CDR2L: variants seen among roughly 807,000 people sequenced by gnomAD.
The protein encoded by CDR2L is cerebellar degeneration related protein 2 like, also known as cerebellar degeneration-related protein 2-like.
In CDR2L, 19 loss-of-function variants were observed where a neutral mutation model predicts 36.1. The observed-to-expected ratio is 0.53, with a 90% CI of 0.37 to 0.77. The LOEUF (loss-of-function observed/expected upper bound fraction) is 0.77. Ranked by LOEUF, CDR2L falls within the 30% of genes least tolerant of loss-of-function variation. The pLI is 0.00. For synonymous variants in CDR2L, 285 were observed against 280.4 expected (o/e 1.02, Z -0.16); for missense variants, 575 against 627.2 (o/e 0.92, Z 0.89).
chr17:75,002,174 G>A lies in CDR2L; in HGVS notation c.452G>A (p.Arg151His), dbSNP rs763230084. The A allele has an allele frequency of 7.9e-5, 127 of 1,608,876 alleles. No homozygotes were observed. The highest frequency in any genetic ancestry group is 3.3e-4 in the Middle Eastern group (2 of 6,010). The change falls in exon 4 of 5, where the codon CGC becomes CAC. Residue 151 changes from arginine (R) to histidine (H), a missense_variant. Physicochemically the swap from Arg to His is conservative, Grantham distance 29. Transcript: ENST00000337231. The surrounding 1 kb of genome is among the most constrained non-coding windows in gnomAD (Gnocchi z 4.1). ...CGAGTGCTCCGGGAGAAGCGGGAAC[G>A]CAGGCGTACCATCCACACCTTCCCC... ...QLRVLREKRERRRTIHTFPCL... is the reference protein window; with the variant it reads ...QLRVLREKREHRRTIHTFPCL...
chr17:74,991,728 A>AG (rs1555635544), intron 1 of CDR2L, among the ~76,000 whole-genome samples: 1 of 151,678 alleles, frequency 6.6e-6, no homozygotes, highest in African/African-American at 2.4e-5. Flanking sequence ...AAAAAAGAAA[A>AG]AAAGAAAGAA....
intron 1 of CDR2L, among the ~76,000 whole-genome samples, chr17:74,988,402 G>C (rs1276603185): frequency 6.6e-6 from 1 of 152,156 alleles, no homozygotes; most frequent in Non-Finnish European, 1.5e-5. Flanking sequence ...CGCCCACCCC[G>C]TCCTGGAGGC....
chr17:74,988,024 C>A lies in CDR2L; in HGVS notation c.-20C>A, dbSNP rs887136205. The A allele has an allele frequency of 3.3e-6, 5 of 1,502,840 alleles. No homozygotes were observed. Among genetic ancestry groups the A allele is most frequent in the Non-Finnish European group, 4.4e-6 (5 of 1,125,120 alleles). The allele number at this position is 1,502,840 out of a possible 1,614,324, so 93.1% of individuals were successfully genotyped here. A position where few individuals can be genotyped will look rare whatever the true frequency, so the allele number is the denominator to read the frequency against. On this transcript the variant is annotated 5_prime_UTR_variant, in exon 1 of 5. Transcript: ENST00000337231. ...CCCTGAGCTGCGCCGCCGCAGCACC[C>A]GCCCGCCGCCCGCGGGGCCATGCGG... is the stretch of plus-strand genomic sequence containing the variant.
chr17:74,998,753 CAGGAA>C (rs1269503829), intron 1 of CDR2L, among the ~76,000 whole-genome samples: 1 of 152,170 alleles, frequency 6.6e-6, no homozygotes, highest in Admixed American at 6.5e-5. Flanking sequence ...CTGGAAGTAT[CAGGAA>C]AGAATATTCC....
In CDR2L at chr17:74,999,325, C is replaced by CACACAAAA. The variant is rs368672422; in HGVS notation, c.80-178_80-177insCACAAAAA. ...ACACACACACACACACAGACACACA[C>CACACAAAA]AAAAAGAACATTCCAGGCAGAAATA... On this transcript the variant is annotated intron_variant, in intron 1 of 4. Coordinates refer to ENST00000337231, the MANE Select transcript of CDR2L (RefSeq NM_014603.3). Among the ~76,000 whole-genome samples the CACACAAAA allele has an allele frequency of 6.1e-3, 918 of 151,062 alleles. 1 individual carries two copies. The highest frequency in any genetic ancestry group is 0.024 in the East Asian group (117 of 4,956).
intron 4 of CDR2L, 113 bp from the exon 5 acceptor site, chr17:75,003,070 C>A: frequency 8.8e-7 from 1 of 1,131,866 alleles, no homozygotes; most frequent in Non-Finnish European, 1.2e-6. Flanking sequence ...AATTTCAGCC[C>A]AGAGAACAAG....
rs1056043132 is a variant in CDR2L at position 74,989,883 on chromosome 17, C to T, written c.79+1761C>T. ...CAAACTCCTGACCTCAGATGATCCA[C>T]CCGCCTTGGCCTCCCGAAGTGCTGG... On this transcript the variant is annotated intron_variant, in intron 1 of 4. Coordinates refer to ENST00000337231, the MANE Select transcript of CDR2L (RefSeq NM_014603.3). The surrounding 1 kb of genome is among the most constrained non-coding windows in gnomAD (Gnocchi z 4.2). Among the ~76,000 whole-genome samples the T allele has an allele frequency of 6.6e-6, 1 of 152,152 alleles. No homozygotes were observed. Among genetic ancestry groups the T allele is most frequent in the Admixed American group, 6.5e-5 (1 of 15,280 alleles).
intron 1 of CDR2L, among the ~76,000 whole-genome samples, chr17:74,995,319 C>T (rs1360770107): frequency 6.6e-6 from 1 of 151,856 alleles, no homozygotes; most frequent in Admixed American, 6.6e-5. Context: ...TATGCCACCA[C>T]ACCCCACTAA....
intron 1 of CDR2L, among the ~76,000 whole-genome samples, chr17:74,994,140 C>G (rs1248010414): frequency 4.6e-5 from 7 of 152,210 alleles, no homozygotes; most frequent in Non-Finnish European, 8.8e-5. Context: ...GCTATTATTT[C>G]TCAGGCCTCT....
rs911429968 is a variant in CDR2L at position 75,002,300 on chromosome 17, G to A, written c.506+72G>A. On this transcript the variant is annotated intron_variant, in intron 4 of 4. Coordinates refer to ENST00000337231, the MANE Select transcript of CDR2L (RefSeq NM_014603.3). This position sits in a 1 kb window ranked among gnomAD's most constrained non-coding sequence, Gnocchi z 4.1. ...AGGAAGGAGAGGCAGCAGGCAGCAG[G>A]GTGCAGTTGGTGCATCATCCAGGCC... 7.7e-7 allele frequency: 1 copy of A among 1,299,788 alleles called. No homozygotes were observed. The highest frequency in any genetic ancestry group is 1.5e-5 in the African/African-American group (1 of 67,908). 80.5% of individuals were successfully genotyped at this position (1,299,788 alleles called of 1,614,324 possible).
Position 75,001,337 on chromosome 17 carries a change from C to T in CDR2L, c.193-4C>T, listed in dbSNP as rs1444983264. On this transcript the variant is annotated splice_region_variant and splice_polypyrimidine_tract_variant and intron_variant, in intron 2 of 4. Transcript: ENST00000337231. ...AAAGTTACTCAATGTCCTTCCACCC[C>T]CAGTACCTAACCAAGCAGCTGGACA... 1.2e-6 allele frequency: 2 copies of T among 1,602,762 alleles called. No homozygotes were observed. The highest frequency in any genetic ancestry group is 4.5e-5 in the East Asian group (2 of 44,792).
Position 75,002,207 on chromosome 17 carries a change from A to G in CDR2L, c.485A>G (p.Lys162Arg). 6.2e-7 allele frequency: 1 copy of G among 1,610,014 alleles called. No individual in the cohort carries two copies. The highest frequency in any genetic ancestry group is 1.1e-5 in the South Asian group (1 of 90,166). Residue 162 changes from lysine to arginine, a missense_variant, in exon 4 of 5, where the codon AAG becomes AGG. Lys to Arg is a conservative substitution (Grantham distance 26, BLOSUM62 2). Transcript: ENST00000337231. The surrounding 1 kb of genome is among the most constrained non-coding windows in gnomAD (Gnocchi z 4.1). ...RRTIHTFPCLKELCTSPRCKD... is the reference protein window; with the variant it reads ...RRTIHTFPCLRELCTSPRCKD... ...ACCATCCACACCTTCCCCTGCCTCA[A>G]GGAGCTGTGCACCAGCCCCCGGTAG...
Position 75,003,977 on chromosome 17 carries a change from C to T in CDR2L, c.1301C>T (p.Pro434Leu), listed in dbSNP as rs1208351435. 6 of 1,609,704 alleles carry T rather than the reference C, an allele frequency of 3.7e-6. No individual in the cohort carries two copies. Among genetic ancestry groups the T allele is most frequent in the Non-Finnish European group, 4.2e-6 (5 of 1,178,204 alleles). ...GACAAGCGGCTGGAACAGAGCCAGC[C>T]CGAGTACAAGGCGCTCTTCAAAGAG... ...AVDKRLEQSQ[P>L]EYKALFKEIF... Residue 434 changes from proline to leucine, a missense_variant, in exon 5 of 5, where the codon CCC becomes CTC. Pro to Leu is a moderately conservative substitution (Grantham distance 98, BLOSUM62 -3). Coordinates refer to ENST00000337231, the MANE Select transcript of CDR2L (RefSeq NM_014603.3).
chr17:74,989,487 T>A lies in CDR2L; in HGVS notation c.79+1365T>A, dbSNP rs893326190. Reference sequence around the variant, plus strand: ...CAACCCCCTCTCCCATCCTGGGCAGTAAATTTTTCCATGAACACCTATTAG... The same window carrying A: ...CAACCCCCTCTCCCATCCTGGGCAGAAAATTTTTCCATGAACACCTATTAG... On this transcript the variant is annotated intron_variant, in intron 1 of 4. Transcript: ENST00000337231. This position sits in a 1 kb window ranked among gnomAD's most constrained non-coding sequence, Gnocchi z 4.2. Among the ~76,000 whole-genome samples the A allele has an allele frequency of 6.7e-6, 1 of 148,308 alleles. No individual in the cohort carries two copies. Among genetic ancestry groups the A allele is most frequent in the African/African-American group, 2.5e-5 (1 of 39,452 alleles).
At chr17:75,001,971 A>G in intron 3 of CDR2L, 93 bp from the exon 4 acceptor site, 1 of 1,136,436 alleles carries the variant, frequency 8.8e-7, no homozygotes, top group South Asian at 1.7e-5. Context: ...CCTCCTACCC[A>G]ACGTCCCTCC....
intron 4 of CDR2L, 63 bp from the exon 5 acceptor site, chr17:75,003,120 C>A: frequency 1.3e-6 from 2 of 1,513,640 alleles, no homozygotes; most frequent in South Asian, 1.2e-5. Context: ...CGGCCTTGGC[C>A]GTGCCCGTGA....
rs2039782466 is a variant in CDR2L, at chr17:74,989,410, A to ACACACACACACACAC, written c.79+1288_79+1289insCACACACACACACAC. On this transcript the variant is annotated intron_variant, in intron 1 of 4. Transcript: ENST00000337231. This position sits in a 1 kb window ranked among gnomAD's most constrained non-coding sequence, Gnocchi z 4.2. The stretch of plus-strand genomic sequence containing the variant: ...CTGAAATGAGATACAGCTCCTCTCA[A>ACACACACACACACAC]ACACACACACACACACACACACACA... 2.3e-5 allele frequency among the ~76,000 whole-genome samples: 3 copies of ACACACACACACACAC among 130,762 alleles called. No homozygotes were observed. The highest frequency in any genetic ancestry group is 6.0e-5 in the African/African-American group (2 of 33,392). 85.8% of individuals were successfully genotyped at this position (130,762 alleles called of 152,430 possible).
chr17:74,995,947 G>A (rs997663403), intron 1 of CDR2L, among the ~76,000 whole-genome samples: 2 of 151,122 alleles, frequency 1.3e-5, no homozygotes, highest in Non-Finnish European at 2.9e-5. Context: ...TTGAGGACCC[G>A]CTCTCTCCCA....
At chr17:74,998,545 C>T (rs2076216947) in intron 1 of CDR2L, among the ~76,000 whole-genome samples, 1 of 151,948 alleles carries the variant, frequency 6.6e-6, no homozygotes, top group South Asian at 2.1e-4. Flanking sequence ...GCCCCATGAG[C>T]TCACAGTTAG....
Sources: allele counts gnomAD v4.1 joint callset (sites outside exome capture counted in the v4.1 genomes callset), GRCh38; gene constraint gnomAD v4.1.1; non-coding constraint Gnocchi (gnomAD v3.1); transcripts MANE v1.5; gene names NCBI Gene and HGNC (gene_info 2026-07-23, HGNC 2026-07-21).